Variants in EXOC6B observed in about 807,000 individuals in gnomAD.
EXOC6B encodes the protein exocyst complex component 6B.
In EXOC6B, 54 loss-of-function variants were observed where a neutral mutation model predicts 113.5. The observed-to-expected ratio is 0.48, with a 90% CI of 0.38 to 0.60. The LOEUF (loss-of-function observed/expected upper bound fraction) is 0.60, where lower values mean the gene tolerates loss of function less well. Among genes scored for constraint, EXOC6B ranks in the 20% least tolerant of loss-of-function variants. The pLI is 0.00. For missense variants in EXOC6B, 797 were observed against 977.5 expected (o/e 0.82, Z 2.46); for synonymous variants, 357 against 339.0 (o/e 1.05, Z -0.58).
chr2:72,400,257 C>T (rs561634757), intron 18 of EXOC6B, among the ~76,000 whole-genome samples: 1 of 152,214 alleles, frequency 6.6e-6, no homozygotes, highest in Admixed American at 6.5e-5. Flanking sequence ...GGACATATAT[C>T]TCTCACTATA....
intron 20 of EXOC6B, among the ~76,000 whole-genome samples, chr2:72,279,231 G>T (rs558851795): frequency 6.6e-6 from 1 of 152,290 alleles, no homozygotes; most frequent in East Asian, 1.9e-4. Context: ...AGAGAGACTG[G>T]ATATTCTCAG....
At chr2:72,660,044 G>A (rs1159718809) in intron 6 of EXOC6B, among the ~76,000 whole-genome samples, 5 of 151,710 alleles carry the variant, frequency 3.3e-5, no homozygotes, top group Admixed American at 6.6e-5. Flanking sequence ...TGGTATGATC[G>A]TCTGTTGTAC....
At position 72,233,975 on chromosome 2, in the gene EXOC6B, G is replaced by A. The variant is rs186497794; in HGVS notation, c.2197-49788C>T. ...CCAGGAAGCACTCGGATGGTAAGGC[G>A]TGTGCCCCATCCACCGGACACTGGT... On this transcript the variant is annotated intron_variant, in intron 20 of 21. Transcript: ENST00000272427. 7.9e-5 allele frequency among the ~76,000 whole-genome samples: 12 copies of A among 152,008 alleles called. No individual in the cohort carries two copies. In the South Asian group the frequency reaches 8.3e-4, roughly 11 times the overall value.
At chr2:72,288,674 A>G (rs1423811141) in intron 20 of EXOC6B, 1 of 145,556 alleles carries the variant, frequency 6.9e-6, no homozygotes, top group East Asian at 1.9e-4. Context: ...CTGGCCAACT[A>G]ATCAATCTGA....
At chr2:72,577,388 T>C (rs1307852985) in intron 6 of EXOC6B, among the ~76,000 whole-genome samples, 3 of 151,986 alleles carry the variant, frequency 2.0e-5, no homozygotes, top group Admixed American at 1.3e-4. Flanking sequence ...CAAAGGAAGG[T>C]AGAACTTCCT....
intron 1 of EXOC6B, among the ~76,000 whole-genome samples, chr2:72,763,862 C>T (rs903979216): frequency 1.3e-5 from 2 of 151,982 alleles, no homozygotes; most frequent in African/African-American, 4.8e-5. Context: ...AGGCAGATTG[C>T]TTGAGCCCAG....
chr2:72,249,025 A>G (rs1459070261), intron 20 of EXOC6B, among the ~76,000 whole-genome samples: 1 of 152,172 alleles, frequency 6.6e-6, no homozygotes, highest in Non-Finnish European at 1.5e-5. Context: ...GGCTTTTGGG[A>G]GGCCAAGGTG....
chr2:72,519,900 G>A (rs527958055), intron 8 of EXOC6B, among the ~76,000 whole-genome samples: 3 of 152,288 alleles, frequency 2.0e-5, no homozygotes, highest in African/African-American at 7.2e-5. Context: ...TAGAATTAAA[G>A]TACAAAAGAA....
chr2:72,499,880 AT>A lies in EXOC6B; in HGVS notation c.1239+20del. 6.7e-7 allele frequency: 1 copy of A among 1,503,594 alleles called. No individual in the cohort carries two copies. The highest frequency in any genetic ancestry group is 9.1e-7 in the Non-Finnish European group (1 of 1,102,798). The allele number at this position is 1,503,594 out of a possible 1,614,324, so 93.1% of individuals were successfully genotyped here. A position where few individuals can be genotyped will look rare whatever the true frequency, so the allele number is the denominator to read the frequency against. On this transcript the variant is annotated intron_variant, in intron 12 of 21. Transcript: ENST00000272427. ...TTATAATACCAATCTAGATGAGCAT[AT>A]GTAAACAGAAATCACATACCTGAAG... is the stretch of plus-strand genomic sequence containing the variant.
chr2:72,370,082 G>A (rs1690905061), intron 19 of EXOC6B, among the ~76,000 whole-genome samples: 1 of 152,122 alleles, frequency 6.6e-6, no homozygotes, highest in African/African-American at 2.4e-5. Context: ...GCAACCTACA[G>A]AATGGGAAAC....
At chr2:72,671,663 A>C (rs1675817884) in intron 6 of EXOC6B, among the ~76,000 whole-genome samples, 1 of 151,666 alleles carries the variant, frequency 6.6e-6, no homozygotes, top group Non-Finnish European at 1.5e-5. Context: ...GTGCCATTGC[A>C]CTCTAGCTTA....
intron 16 of EXOC6B, among the ~76,000 whole-genome samples, chr2:72,487,338 C>T (rs1699480988): frequency 6.7e-6 from 1 of 148,320 alleles, no homozygotes; most frequent in African/African-American, 2.5e-5. Flanking sequence ...ATTACACTGA[C>T]AGTTTTTTGT....
At chr2:72,454,394 C>T (rs1001886885) in intron 18 of EXOC6B, among the ~76,000 whole-genome samples, 2 of 152,042 alleles carry the variant, frequency 1.3e-5, no homozygotes, top group African/African-American at 4.8e-5. Context: ...ATCCTAGACA[C>T]TTTGCAGGGC....
chr2:72,799,535 A>G (rs1685173703), intron 1 of EXOC6B, among the ~76,000 whole-genome samples: 1 of 152,122 alleles, frequency 6.6e-6, no homozygotes, highest in Non-Finnish European at 1.5e-5. Context: ...GCACCACTGC[A>G]CTCCAGCCTG....
chr2:72,424,273 C>T (rs961164732), intron 18 of EXOC6B, among the ~76,000 whole-genome samples: 7 of 151,786 alleles, frequency 4.6e-5, no homozygotes, highest in African/African-American at 1.7e-4. Context: ...TTATTCTTTC[C>T]ATTATGCTTT....
intron 1 of EXOC6B, among the ~76,000 whole-genome samples, chr2:72,799,595 A>G (rs1481109376): frequency 1.3e-5 from 2 of 152,210 alleles, no homozygotes; most frequent in African/African-American, 4.8e-5. Flanking sequence ...AATGTGTTCT[A>G]AAGTTTTAAA....
chr2:72,308,429 G>A (rs1687012533), intron 20 of EXOC6B, among the ~76,000 whole-genome samples: 1 of 152,180 alleles, frequency 6.6e-6, no homozygotes, highest in Admixed American at 6.5e-5. Flanking sequence ...AAATAAATAA[G>A]TAATGGAATG....
In EXOC6B at chr2:72,586,948, T is replaced by C. The variant is rs561058916; in HGVS notation, c.670-11280A>G. Among the ~76,000 whole-genome samples, 8 of 152,262 alleles carry C rather than the reference T, an allele frequency of 5.3e-5. No individual in the cohort carries two copies. The East Asian group carries it at 1.5e-3, about 29-fold the overall frequency. On this transcript the variant is annotated intron_variant, in intron 6 of 21. Coordinates refer to ENST00000272427, the MANE Select transcript of EXOC6B (RefSeq NM_015189.3). ...TGAGGCTGCAGAGAAAAGGGAATGC[T>C]TATACATTGTTGGTGGGAATGTAAA...
intron 17 of EXOC6B, among the ~76,000 whole-genome samples, chr2:72,466,546 T>A (rs1698069266): frequency 6.6e-6 from 1 of 152,086 alleles, no homozygotes; most frequent in Admixed American, 6.6e-5. Flanking sequence ...TGTACTGCCC[T>A]CTACATTTTC....
Sources: gnomAD v4.1 joint callset for allele counts (sites outside exome capture counted in the v4.1 genomes callset) on GRCh38, gnomAD v4.1.1 for gene constraint, MANE v1.5 for transcripts, NCBI Gene and HGNC (gene_info 2026-07-23, HGNC 2026-07-21) for gene names.